WDR27: variants seen among roughly 807,000 people sequenced by gnomAD.
WDR27 encodes WD repeat-containing protein 27.
WDR27 carries 100 observed loss-of-function variants against 114.4 expected under a neutral mutation model. The observed-to-expected ratio is 0.87, with a 90% CI of 0.74 to 1.03. The LOEUF (loss-of-function observed/expected upper bound fraction) is 1.03, where lower values mean the gene tolerates loss of function less well. Among genes scored for constraint, WDR27 ranks in the 50% least tolerant of loss-of-function variants. WDR27 has a pLI of 0.00. For synonymous variants in WDR27, 449 were observed against 423.1 expected (o/e 1.06, Z -0.75); for missense variants, 1,129 against 1,092.9 (o/e 1.03, Z -0.47).
intron 21 of WDR27, among the ~76,000 whole-genome samples, chr6:169,630,179 A>G (rs59533364): frequency 0.038 from 5,794 of 152,318 alleles, 386 homozygotes; most frequent in African/African-American, 0.13. Flanking sequence ...ACATTTTTAG[A>G]CATTGCATTT....
chr6:169,476,387 A>G (rs1332762355), intron 25 of WDR27, among the ~76,000 whole-genome samples: 2 of 152,192 alleles, frequency 1.3e-5, no homozygotes, highest in Non-Finnish European at 2.9e-5. Context: ...AGCATATGCT[A>G]AACCATCACA....
chr6:169,573,273 A>G (rs1801744758), intron 24 of WDR27, among the ~76,000 whole-genome samples: 1 of 152,252 alleles, frequency 6.6e-6, no homozygotes, highest in South Asian at 2.1e-4. Context: ...AAGTCTTATG[A>G]TAAATCCTGC....
intron 1 of WDR27, among the ~76,000 whole-genome samples, chr6:169,696,439 C>A (rs1786005685): frequency 9.2e-5 from 14 of 152,180 alleles, no homozygotes; most frequent in Admixed American, 8.5e-4. Context: ...CACAAAGAAT[C>A]CCACACATGC....
intron 22 of WDR27, among the ~76,000 whole-genome samples, chr6:169,602,847 T>TC (rs1285485545): frequency 2.6e-5 from 4 of 151,594 alleles, no homozygotes; most frequent in African/African-American, 9.7e-5. Context: ...TTTTTTCTTT[T>TC]TTTTTTTTGA....
chr6:169,640,829 A>C (rs1206747980), intron 17 of WDR27, among the ~76,000 whole-genome samples: 2 of 132,158 alleles, frequency 1.5e-5, no homozygotes, highest in African/African-American at 6.1e-5. Flanking sequence ...GCCTGGCTGC[A>C]AGAGGCCGCG....
At chr6:169,595,930 T>C (rs1242362286) in intron 23 of WDR27, among the ~76,000 whole-genome samples, 1 of 152,090 alleles carries the variant, frequency 6.6e-6, no homozygotes, top group Non-Finnish European at 1.5e-5. Context: ...GTAAGTAAAA[T>C]ACATTCTTCC....
chr6:169,470,262 A>C (rs184047823), intron 25 of WDR27, among the ~76,000 whole-genome samples: 1 of 152,308 alleles, frequency 6.6e-6, no homozygotes, highest in East Asian at 1.9e-4. Context: ...CAGAAGATAG[A>C]AGCTTTCTCT....
At chr6:169,461,582 C>A (rs1784905012) in intron 25 of WDR27, among the ~76,000 whole-genome samples, 1 of 146,096 alleles carries the variant, frequency 6.8e-6, no homozygotes. Context: ...ACACACCATG[C>A]AAAAAATCTG....
intron 25 of WDR27, among the ~76,000 whole-genome samples, chr6:169,499,520 C>T (rs962557389): frequency 9.8e-5 from 15 of 152,328 alleles, no homozygotes; most frequent in African/African-American, 3.6e-4. Flanking sequence ...TCCAAAACGT[C>T]GTGATATTAG....
chr6:169,533,620 T>C (rs772699332), intron 25 of WDR27, among the ~76,000 whole-genome samples: 1 of 152,122 alleles, frequency 6.6e-6, no homozygotes, highest in Non-Finnish European at 1.5e-5. Context: ...GATCCCACAT[T>C]GGGCACCACC....
chr6:169,665,431 A>G, intron 7 of WDR27, 55 bp downstream of exon 7: 1 of 1,576,034 alleles, frequency 6.3e-7, no homozygotes, highest in Non-Finnish European at 8.6e-7. Context: ...CTTTGTGTAC[A>G]AGCTCACGTT....
intron 25 of WDR27, among the ~76,000 whole-genome samples, chr6:169,499,910 G>C (rs2115474691): frequency 6.6e-6 from 1 of 152,334 alleles, no homozygotes; most frequent in East Asian, 1.9e-4. Flanking sequence ...CCTGTGCACA[G>C]CCATAGGAGA....
At chr6:169,566,716 C>T (rs1045084616) in intron 25 of WDR27, among the ~76,000 whole-genome samples, 3 of 152,094 alleles carry the variant, frequency 2.0e-5, no homozygotes, top group Admixed American at 1.3e-4. Context: ...GAGGCTGCCA[C>T]GCATACATCC....
the WDR27 span, among the ~76,000 whole-genome samples, chr6:169,451,603 C>T: frequency 1.3e-5 from 2 of 152,180 alleles, no homozygotes; most frequent in African/African-American, 4.8e-5. Flanking sequence ...CAGAAACTCC[C>T]GAACATATTT....
At chr6:169,585,584 AAAC>A (rs1804381347) in intron 23 of WDR27, among the ~76,000 whole-genome samples, 1 of 148,098 alleles carries the variant, frequency 6.8e-6, no homozygotes, top group East Asian at 3.0e-4. Context: ...CCAATAACAT[AAAC>A]AATCAATTAC....
At chr6:169,649,563 T>G (rs1023829761) in intron 14 of WDR27, among the ~76,000 whole-genome samples, 1 of 151,940 alleles carries the variant, frequency 6.6e-6, no homozygotes, top group African/African-American at 2.4e-5. Flanking sequence ...AAGCCCCAGG[T>G]TGGCACTCAG....
chr6:169,662,795 C>T (rs1285049717), intron 8 of WDR27, among the ~76,000 whole-genome samples: 3 of 108,608 alleles, frequency 2.8e-5, no homozygotes, highest in African/African-American at 7.8e-5. Context: ...GCGTGCACCG[C>T]GGAGCATTCG....
chr6:169,608,981 T>C (rs748830482), intron 22 of WDR27, among the ~76,000 whole-genome samples: 8 of 152,214 alleles, frequency 5.3e-5, no homozygotes, highest in Non-Finnish European at 8.8e-5. Context: ...AGAGGCCCCA[T>C]TCAAGTATGA....
Position 169,481,994 on chromosome 6 carries a change from C to T in WDR27, c.2646-24360G>A, listed in dbSNP as rs1377192950. 3.3e-5 allele frequency among the ~76,000 whole-genome samples: 5 copies of T among 152,324 alleles called. No homozygotes were observed. The South Asian group carries it at 1.0e-3, about 32-fold the overall frequency. Reference sequence around the variant, plus strand: ...GTACATCCCAGTGTCTGTTGTTTCCCTCTATGTGCCATGAGTTCTCATCAT... The same window carrying T: ...GTACATCCCAGTGTCTGTTGTTTCCTTCTATGTGCCATGAGTTCTCATCAT... On this transcript the variant is annotated intron_variant, in intron 25 of 25. Transcript: ENST00000448612.
Sources: gnomAD v4.1 joint callset for allele counts (sites outside exome capture counted in the v4.1 genomes callset) on GRCh38, gnomAD v4.1.1 for gene constraint, MANE v1.5 for transcripts, NCBI Gene and HGNC (gene_info 2026-07-23, HGNC 2026-07-21) for gene names.